Variants in TECPR2 observed in about 807,000 individuals in gnomAD.
TECPR2 encodes the protein tectonin beta-propeller repeat-containing protein 2.
In TECPR2, 65 loss-of-function variants were observed where a neutral mutation model predicts 138.1. That is an observed-to-expected ratio of 0.47 (90% CI 0.39 to 0.58). The LOEUF (loss-of-function observed/expected upper bound fraction) is 0.58, where lower values mean the gene tolerates loss of function less well. Ranked by LOEUF, TECPR2 falls within the 20% of genes least tolerant of loss-of-function variation. The probability of loss-of-function intolerance (pLI) is 0.00; values close to 1 mark genes in which losing one functional copy is unlikely to be tolerated. For missense variants in TECPR2, 1,553 were observed against 1,824.5 expected (o/e 0.85, Z 2.71); for synonymous variants, 746 against 749.8 (o/e 0.99, Z 0.08).
chr14:102,396,769 C>T (rs1048446979), intron 2 of TECPR2, among the ~76,000 whole-genome samples: 1 of 152,220 alleles, frequency 6.6e-6, no homozygotes. Context: ...GGCGGCTACG[C>T]GGGTGTTCCT....
At chr14:102,456,180 T>C (rs1016756431) in intron 16 of TECPR2, among the ~76,000 whole-genome samples, 30 of 152,294 alleles carry the variant, frequency 2.0e-4, no homozygotes, top group Non-Finnish European at 3.1e-4. Flanking sequence ...CTGTGACACG[T>C]CTTGCTTGGG....
In TECPR2 at chr14:102,432,113, A is replaced by C; in HGVS notation, c.1402A>C (p.Lys468Gln). ...GCCTATCAAAGTGAAAAGGAAGAAG[A>C]AGAAGAAGAAGACAGGTACCCTCTG... ...VKPIKVKRKKKKKKTEGGSRS... is the reference protein window; with the variant it reads ...VKPIKVKRKKQKKKTEGGSRS... The change falls in exon 8 of 20, where the codon AAG becomes CAG. Residue 468 changes from lysine to glutamine, a missense_variant. Lys to Gln is a moderately conservative substitution (Grantham distance 53, BLOSUM62 1). Transcript: ENST00000359520. 6.3e-7 allele frequency: 1 copy of C among 1,583,356 alleles called. No individual in the cohort carries two copies.
At chr14:102,402,851 A>C (rs1251725697) in intron 2 of TECPR2, among the ~76,000 whole-genome samples, 2 of 152,188 alleles carry the variant, frequency 1.3e-5, no homozygotes, top group East Asian at 1.9e-4. Context: ...AAAAAATAGA[A>C]TACCTGAGTA....
At position 102,500,141 on chromosome 14, in the gene TECPR2, G is replaced by A. The variant is rs1443589106; in HGVS notation, c.*1884G>A. ...CTTTCTGGTTTTAATTTTTAGTTGTGCTTTGAGTCAGTGCAATAAACTAGA... is the reference window on the plus strand; with the variant it reads ...CTTTCTGGTTTTAATTTTTAGTTGTACTTTGAGTCAGTGCAATAAACTAGA... On this transcript the variant is annotated 3_prime_UTR_variant, in exon 20 of 20. Coordinates refer to ENST00000359520, the MANE Select transcript of TECPR2 (RefSeq NM_014844.5). 1 of 152,682 alleles carries A rather than the reference G, an allele frequency of 6.5e-6. No individual in the cohort carries two copies. The highest frequency in any genetic ancestry group is 6.5e-5 in the Admixed American group (1 of 15,282). The allele number at this position is 152,682 out of a possible 1,614,324, so 9.5% of individuals were successfully genotyped here.
intron 2 of TECPR2, among the ~76,000 whole-genome samples, chr14:102,383,398 CTTTTTTGTT>C (rs559517532): frequency 4.2e-4 from 63 of 151,324 alleles, no homozygotes; most frequent in African/African-American, 1.1e-3. Context: ...ATTGTATTGT[CTTTTTTGTT>C]TTTTTTGTTT....
At position 102,419,664 on chromosome 14, in the gene TECPR2, C is replaced by T. The variant is rs541482237; in HGVS notation, c.638+4871C>T. On this transcript the variant is annotated intron_variant, in intron 5 of 19. Transcript: ENST00000359520. The surrounding 1 kb of genome is among the most constrained non-coding windows in gnomAD (Gnocchi z 4.8). ...GGTAGAAGACGAGGGGTCCTCTTCCCGTCGAGTCCGTGAACCTCTTCAGAC... is the reference window on the plus strand; with the variant it reads ...GGTAGAAGACGAGGGGTCCTCTTCCTGTCGAGTCCGTGAACCTCTTCAGAC... 1.3e-5 allele frequency among the ~76,000 whole-genome samples: 2 copies of T among 152,102 alleles called. No individual in the cohort carries two copies. Among genetic ancestry groups the T allele is most frequent in the African/African-American group, 2.4e-5 (1 of 41,420 alleles).
intron 16 of TECPR2, among the ~76,000 whole-genome samples, chr14:102,456,878 C>G (rs1256018750): frequency 1.3e-5 from 2 of 150,520 alleles, no homozygotes; most frequent in Non-Finnish European, 3.0e-5. Context: ...TGTGAGCTAC[C>G]GCACCCAGCC....
intron 1 of TECPR2, among the ~76,000 whole-genome samples, chr14:102,367,540 A>G (rs542451198): frequency 2.0e-5 from 3 of 152,298 alleles, no homozygotes; most frequent in Admixed American, 1.3e-4. Context: ...TTCACTTAGC[A>G]TAATATTCTC....
At chr14:102,449,071 T>C (rs1023683369) in intron 13 of TECPR2, among the ~76,000 whole-genome samples, 17 of 152,308 alleles carry the variant, frequency 1.1e-4, no homozygotes, top group South Asian at 4.1e-4. Context: ...AGACCAGCCC[T>C]GGGCAACACA....
At chr14:102,470,639 C>CTTT (rs200949179) in intron 17 of TECPR2, among the ~76,000 whole-genome samples, 11 of 136,006 alleles carry the variant, frequency 8.1e-5, no homozygotes, top group South Asian at 2.3e-4. Context: ...TCTTCTTCTT[C>CTTT]TTTTTTTTTT....
chr14:102,385,446 C>T (rs1490680366), intron 2 of TECPR2, among the ~76,000 whole-genome samples: 1 of 151,546 alleles, frequency 6.6e-6, no homozygotes, highest in Non-Finnish European at 1.5e-5. Context: ...TGATAAGTCA[C>T]GTGAGCTTTG....
rs183481720 is a variant in TECPR2, at chr14:102,370,823, G to A, written c.-72-5827G>A. Reference sequence around the variant, plus strand: ...AGAGGTAATGGTGGCCCGAGCTAGGGGTGACACACTGAGGTGTGTGGGAGA... The same window carrying A: ...AGAGGTAATGGTGGCCCGAGCTAGGAGTGACACACTGAGGTGTGTGGGAGA... On this transcript the variant is annotated intron_variant, in intron 1 of 19. Transcript: ENST00000359520. Among the ~76,000 whole-genome samples, 14 of 152,292 alleles carry A rather than the reference G, an allele frequency of 9.2e-5. No homozygotes were observed. In the East Asian group the frequency reaches 2.5e-3, roughly 27 times the overall value.
rs1242273863 is a variant in TECPR2 at position 102,399,497 on chromosome 14, AT to A, written c.220-7839del. ...ACTCAAGTGAGTCCTGCAGAGGGAA[AT>A]TAAAGGATATTAAACAGTTACTCAA... On this transcript the variant is annotated intron_variant, in intron 2 of 19. Coordinates refer to ENST00000359520, the MANE Select transcript of TECPR2 (RefSeq NM_014844.5). Among the ~76,000 whole-genome samples the A allele has an allele frequency of 3.3e-5, 5 of 152,318 alleles. No homozygotes were observed. The South Asian group carries it at 6.2e-4, about 19-fold the overall frequency.
intron 13 of TECPR2, among the ~76,000 whole-genome samples, chr14:102,448,134 G>A (rs972414426): frequency 6.6e-6 from 1 of 151,880 alleles, no homozygotes; most frequent in Non-Finnish European, 1.5e-5. Flanking sequence ...ATACATATAT[G>A]TATTTTTGTA....
chr14:102,470,182 C>A (rs1156261432), intron 17 of TECPR2, among the ~76,000 whole-genome samples: 1 of 152,052 alleles, frequency 6.6e-6, no homozygotes. Context: ...ATTTTTTACA[C>A]CCCATTTGTT....
intron 17 of TECPR2, among the ~76,000 whole-genome samples, chr14:102,472,920 T>G (rs1890679736): frequency 6.6e-6 from 1 of 152,208 alleles, no homozygotes; most frequent in South Asian, 2.1e-4. Context: ...GCACTGACGA[T>G]TGTTTGCTGA....
intron 4 of TECPR2, among the ~76,000 whole-genome samples, chr14:102,414,192 C>T (rs189431414): frequency 1.8e-4 from 27 of 152,116 alleles, no homozygotes; most frequent in South Asian, 1.0e-3. Flanking sequence ...TGATTATTGT[C>T]GCAATAATTT....
At chr14:102,413,610 C>G (rs1231475170) in intron 4 of TECPR2, among the ~76,000 whole-genome samples, 1 of 151,170 alleles carries the variant, frequency 6.6e-6, no homozygotes, top group Non-Finnish European at 1.5e-5. Flanking sequence ...ATCTCCTGAC[C>G]TCAAACGATC....
At chr14:102,470,248 T>A (rs1890628597) in intron 17 of TECPR2, among the ~76,000 whole-genome samples, 1 of 152,172 alleles carries the variant, frequency 6.6e-6, no homozygotes, top group African/African-American at 2.4e-5. Flanking sequence ...GAACTTTTTT[T>A]GTGGGAAGTT....
Sources: gnomAD v4.1 joint callset for allele counts (sites outside exome capture counted in the v4.1 genomes callset) on GRCh38, gnomAD v4.1.1 for gene constraint, Gnocchi (gnomAD v3.1) non-coding constraint, MANE v1.5 for transcripts, NCBI Gene and HGNC (gene_info 2026-07-23, HGNC 2026-07-21) for gene names.